PRRG1: variants seen among roughly 807,000 people sequenced by gnomAD.
PRRG1 encodes proline rich and Gla domain 1, also known as transmembrane gamma-carboxyglutamic acid protein 1.
A neutral mutation model predicts 11.8 loss-of-function variants in PRRG1; 5 were observed. The observed-to-expected ratio is 0.42, with a 90% CI of 0.22 to 0.89. The LOEUF is 0.89. Among genes scored for constraint, PRRG1 ranks in the 40% least tolerant of loss-of-function variants. The pLI is 0.28. For synonymous variants in PRRG1, 66 were observed against 60.4 expected, an observed-to-expected ratio of 1.09 and a Z score of -0.43; for missense variants, 155 against 166.1, an observed-to-expected ratio of 0.93 and a Z score of 0.37.
At chrX:37,406,990 A>T (rs1269593247) in intron 2 of PRRG1, among the ~76,000 whole-genome samples, 3 of 112,311 alleles carry the variant, frequency 2.7e-5, no homozygotes, top group African/African-American at 9.7e-5. Flanking sequence ...CCAGTTGTAG[A>T]AGTTTGGGGA....
chrX:37,419,882 A>G (rs1481903200), intron 2 of PRRG1, among the ~76,000 whole-genome samples: 1 of 112,131 alleles, frequency 8.9e-6, no homozygotes, highest in Admixed American at 9.5e-5. Context: ...TAAAGCTACT[A>G]CATGTCATCC....
chrX:37,453,779 T>A lies in PRRG1; in HGVS notation c.*158T>A. ...TATTTTCTTTAGTTTTGTTTCTTGT[T>A]ATAGAATCATTATCCATGCTCATTT... On this transcript the variant is annotated 3_prime_UTR_variant, in exon 4 of 4. Transcript: ENST00000378628. 1 of 598,399 alleles carries A rather than the reference T, an allele frequency of 1.7e-6. No homozygotes were observed. The highest frequency in any genetic ancestry group is 2.4e-6 in the Non-Finnish European group (1 of 417,861). 49.3% of individuals were successfully genotyped at this position (598,399 alleles called of 1,213,427 possible).
intron 1 of PRRG1, among the ~76,000 whole-genome samples, chrX:37,352,491 A>T (rs1930099942): frequency 9.0e-6 from 1 of 111,622 alleles, no homozygotes; most frequent in Non-Finnish European, 1.9e-5. Flanking sequence ...CTGACTGAAA[A>T]AATATTCCAA....
chrX:37,361,083 C>A (rs1930394132), intron 1 of PRRG1, among the ~76,000 whole-genome samples: 1 of 112,432 alleles, frequency 8.9e-6, no homozygotes, highest in Non-Finnish European at 1.9e-5. Flanking sequence ...TGGCTCACGC[C>A]TGTAATCCCA....
At chrX:37,385,441 G>A (rs1159636801) in intron 1 of PRRG1, among the ~76,000 whole-genome samples, 3 of 110,017 alleles carry the variant, frequency 2.7e-5, no homozygotes, top group Non-Finnish European at 5.7e-5. Flanking sequence ...TCAACAAGGT[G>A]TATACTAATG....
chrX:37,377,617 G>T (rs781953432), intron 1 of PRRG1, among the ~76,000 whole-genome samples: 8 of 111,741 alleles, frequency 7.2e-5, no homozygotes, highest in Non-Finnish European at 3.8e-5. Flanking sequence ...ATTATAGGCT[G>T]TACTATAGGT....
At chrX:37,373,985 A>G (rs1238447093) in intron 1 of PRRG1, among the ~76,000 whole-genome samples, 1 of 111,811 alleles carries the variant, frequency 8.9e-6, no homozygotes, top group Non-Finnish European at 1.9e-5. Context: ...TCAGGAAACA[A>G]TGTTGAATTT....
At chrX:37,405,728 T>C (rs1556381859) in intron 1 of PRRG1, among the ~76,000 whole-genome samples, 2 of 111,590 alleles carry the variant, frequency 1.8e-5, no homozygotes, top group Non-Finnish European at 3.8e-5. Flanking sequence ...CTAATTTGAT[T>C]AGGGATGCTG....
intron 1 of PRRG1, among the ~76,000 whole-genome samples, chrX:37,398,929 G>C (rs1232376878): frequency 1.5e-4 from 17 of 110,970 alleles, no homozygotes; most frequent in African/African-American, 5.2e-4. Context: ...GAAGTTTAGA[G>C]AAAAAAGAAT....
At chrX:37,382,324 A>G (rs1556373960) in intron 1 of PRRG1, among the ~76,000 whole-genome samples, 1 of 111,347 alleles carries the variant, frequency 9.0e-6, no homozygotes, top group Non-Finnish European at 1.9e-5. Flanking sequence ...GCCCCAAAGA[A>G]TAAGATAGCT....
At position 37,410,821 on chromosome X, in the gene PRRG1, G is replaced by A. The variant is rs189244370; in HGVS notation, c.10+4562G>A. ...TACCTGGCCTATGTGAAACTCACCC[G>A]TTTGACTGATGAGTTTTTATCTTTG... On this transcript the variant is annotated intron_variant, in intron 2 of 3. Coordinates refer to ENST00000378628, the MANE Select transcript of PRRG1 (RefSeq NM_001142395.2). Among the ~76,000 whole-genome samples the A allele has an allele frequency of 1.0e-3, 118 of 112,502 alleles. 1 individual carries two copies. In the South Asian group the frequency reaches 0.037, roughly 36 times the overall value.
Position 37,445,141 on chromosome X carries a change from C to T in PRRG1, c.172-7995C>T, listed in dbSNP as rs782787759. 7.2e-5 allele frequency among the ~76,000 whole-genome samples: 8 copies of T among 111,794 alleles called. No individual in the cohort carries two copies. In the East Asian group the frequency reaches 1.1e-3, roughly 16 times the overall value. On this transcript the variant is annotated intron_variant, in intron 3 of 3. Coordinates refer to ENST00000378628, the MANE Select transcript of PRRG1 (RefSeq NM_001142395.2). Reference sequence around the variant, plus strand: ...GAGCCACTGATAACATAACTAAAATCGATACATCATCATGAGCTTTGGCAA... The same window carrying T: ...GAGCCACTGATAACATAACTAAAATTGATACATCATCATGAGCTTTGGCAA...
At chrX:37,448,368 A>T (rs1920998178) in intron 3 of PRRG1, among the ~76,000 whole-genome samples, 1 of 111,301 alleles carries the variant, frequency 9.0e-6, no homozygotes, top group African/African-American at 3.3e-5. Context: ...GCAAATGAAG[A>T]CTTGTCCTGC....
intron 1 of PRRG1, among the ~76,000 whole-genome samples, chrX:37,396,427 T>G (rs1182882432): frequency 9.0e-6 from 1 of 111,634 alleles, no homozygotes; most frequent in African/African-American, 3.3e-5. Flanking sequence ...AATTGAATCA[T>G]GGGGGGCAGG....
chrX:37,353,448 A>G (rs1432345307), intron 1 of PRRG1, among the ~76,000 whole-genome samples: 1 of 111,899 alleles, frequency 8.9e-6, no homozygotes, highest in East Asian at 2.8e-4. Flanking sequence ...TGAAGAAAGA[A>G]TTACATTTTT....
intron 1 of PRRG1, among the ~76,000 whole-genome samples, chrX:37,370,855 G>A (rs962829750): frequency 8.9e-5 from 10 of 112,080 alleles, no homozygotes; most frequent in African/African-American, 1.3e-4. Flanking sequence ...CCCAGGCACT[G>A]TTGCAACTGG....
chrX:37,353,527 G>A lies in PRRG1; in HGVS notation c.-42+4132G>A, dbSNP rs73203191. 8.0e-3 allele frequency among the ~76,000 whole-genome samples: 894 copies of A among 111,988 alleles called. 6 individuals carry two copies. Among genetic ancestry groups the A allele is most frequent in the Non-Finnish European group, 0.013 (714 of 53,167 alleles). Reference sequence around the variant, plus strand: ...ACAGTAGTGTACAGTAAATGTCATAGGGCTTCATATCCACTTACCACTCAC... The same window carrying A: ...ACAGTAGTGTACAGTAAATGTCATAAGGCTTCATATCCACTTACCACTCAC... On this transcript the variant is annotated intron_variant, in intron 1 of 3. Coordinates refer to ENST00000378628, the MANE Select transcript of PRRG1 (RefSeq NM_001142395.2).
intron 1 of PRRG1, among the ~76,000 whole-genome samples, chrX:37,401,735 C>T (rs1931990059): frequency 9.0e-6 from 1 of 110,707 alleles, no homozygotes; most frequent in Non-Finnish European, 1.9e-5. Context: ...TCTAGAAAAC[C>T]CCATTGTCTC....
chrX:37,361,339 CAA>C (rs1420994688), intron 1 of PRRG1, among the ~76,000 whole-genome samples: 20 of 66,547 alleles, frequency 3.0e-4, no homozygotes, highest in Admixed American at 7.1e-4. Context: ...GAGACTCAGT[CAA>C]AAAAAAAAAA....
Sources: allele counts gnomAD v4.1 joint callset (sites outside exome capture counted in the v4.1 genomes callset), GRCh38; gene constraint gnomAD v4.1.1; transcripts MANE v1.5; gene names NCBI Gene and HGNC (gene_info 2026-07-23, HGNC 2026-07-21).